STIP1: variants seen among roughly 807,000 people sequenced by gnomAD.
The protein encoded by STIP1 is stress-induced-phosphoprotein 1.
In STIP1, 16 loss-of-function variants were observed where a neutral mutation model predicts 77.4. The ratio of observed to expected loss-of-function variants is 0.21; its 90% CI spans 0.14 to 0.31. The LOEUF is 0.31. Among genes scored for constraint, STIP1 ranks in the 10% least tolerant of loss-of-function variants. The pLI is 1.00. For missense variants in STIP1, 524 were observed against 684.8 expected (o/e 0.77, Z 2.62); for synonymous variants, 258 against 246.6 (o/e 1.05, Z -0.44).
chr11:64,190,820 C>T (rs997180503), intron 1 of STIP1, among the ~76,000 whole-genome samples: 5 of 151,832 alleles, frequency 3.3e-5, no homozygotes, highest in African/African-American at 4.8e-5. Flanking sequence ...TATGGTGAGA[C>T]ACCATTTCTA....
chr11:64,199,807 C>A (rs1170067855), intron 8 of STIP1, 133 bp from the exon 9 acceptor site: 9 of 880,686 alleles, frequency 1.0e-5, no homozygotes, highest in Non-Finnish European at 1.5e-5. Context: ...TCGTGATCCA[C>A]CCGCCTCGGC....
At chr11:64,190,772 G>A (rs1946083758) in intron 1 of STIP1, among the ~76,000 whole-genome samples, 1 of 151,904 alleles carries the variant, frequency 6.6e-6, no homozygotes, top group Non-Finnish European at 1.5e-5. Flanking sequence ...AGGCAGGAGG[G>A]TTGCTTTAGG....
chr11:64,186,882 C>T (rs1254296363), intron 1 of STIP1, among the ~76,000 whole-genome samples: 4 of 152,098 alleles, frequency 2.6e-5, no homozygotes, highest in Admixed American at 1.3e-4. Flanking sequence ...AGCGACAGAC[C>T]GACTCTACCT....
chr11:64,194,733 T>C, intron 4 of STIP1, 113 bp downstream of exon 4: 1 of 1,372,268 alleles, frequency 7.3e-7, no homozygotes, highest in Non-Finnish European at 9.8e-7. Context: ...TTGCCTTTGC[T>C]TATTCTCTGC....
At chr11:64,197,782 A>T in intron 7 of STIP1, 72 bp from the exon 8 acceptor site, 1 of 1,583,704 alleles carries the variant, frequency 6.3e-7, no homozygotes, top group Non-Finnish European at 8.6e-7. Context: ...TTCTAGCTGC[A>T]GGTGTGTTTT....
chr11:64,194,356 C>T, intron 3 of STIP1, 26 bp downstream of exon 3: 3 of 1,612,404 alleles, frequency 1.9e-6, no homozygotes, highest in Non-Finnish European at 2.5e-6. Context: ...AGTTTTCTTT[C>T]TTATTATTAA....
chr11:64,201,160 C>T (rs1224463330), intron 10 of STIP1, among the ~76,000 whole-genome samples: 3 of 152,156 alleles, frequency 2.0e-5, no homozygotes, highest in Non-Finnish European at 4.4e-5. Flanking sequence ...CCACCTCAGC[C>T]TCCTGAGTAG....
chr11:64,192,411 C>A (rs780131549), intron 1 of STIP1, among the ~76,000 whole-genome samples: 1 of 152,236 alleles, frequency 6.6e-6, no homozygotes, highest in African/African-American at 2.4e-5. Context: ...ATTTCTTCAT[C>A]CTCCATCCCC....
intron 13 of STIP1, 186 bp downstream of exon 13, chr11:64,203,808 C>T (rs1946249368): frequency 1.2e-6 from 1 of 821,916 alleles, no homozygotes; most frequent in Admixed American, 2.5e-5. Context: ...ATAGCTTAAG[C>T]AGTCATTTGG....
At chr11:64,186,035 C>T (rs1405851842), upstream of STIP1, 1 of 1,545,592 alleles carries the variant, frequency 6.5e-7, no homozygotes, top group East Asian at 2.4e-5. Context: ...GAGGGAATTA[C>T]TCCCCGCTGT....
chr11:64,195,467 T>A (rs1273631292), intron 4 of STIP1, among the ~76,000 whole-genome samples, 178 bp from the exon 5 acceptor site: 1 of 152,206 alleles, frequency 6.6e-6, no homozygotes, highest in Non-Finnish European at 1.5e-5. Context: ...AGATAGTGTT[T>A]TGACGGTTTG....
chr11:64,203,281 G>C, intron 12 of STIP1, 53 bp downstream of exon 12: 1 of 1,601,420 alleles, frequency 6.2e-7, no homozygotes, highest in Non-Finnish European at 8.5e-7. Flanking sequence ...CTCTGTTGGG[G>C]CTTTTCCATG....
intron 1 of STIP1, among the ~76,000 whole-genome samples, chr11:64,187,551 C>T (rs1946038354): frequency 6.6e-6 from 1 of 152,122 alleles, no homozygotes; most frequent in Admixed American, 6.5e-5. Flanking sequence ...CTGCTTTAGG[C>T]AAAGCTCGAG....
chr11:64,185,945 TCCTC>T (rs1004146681), upstream of STIP1: 14 of 1,536,862 alleles, frequency 9.1e-6, no homozygotes, highest in African/African-American at 1.8e-4. Context: ...AGAAGTTCGC[TCCTC>T]CCTCCATTCG....
In STIP1 at chr11:64,204,238, A is replaced by C; in HGVS notation, c.*112A>C. On this transcript the variant is annotated 3_prime_UTR_variant, in exon 14 of 14. Coordinates refer to ENST00000305218, the MANE Select transcript of STIP1 (RefSeq NM_006819.3). ...AGGGGAGAGAAGGCCTCATCTCTCT[A>C]TATTTATACATAACCCCGGGGAAGA... 9.7e-7 allele frequency: 1 copy of C among 1,034,178 alleles called. No homozygotes were observed. The highest frequency in any genetic ancestry group is 1.4e-5 in the South Asian group (1 of 69,470). 64.1% of individuals were successfully genotyped at this position (1,034,178 alleles called of 1,614,324 possible).
At chr11:64,203,928 C>A in intron 13 of STIP1, 126 bp from the exon 14 acceptor site, 1 of 1,176,226 alleles carries the variant, frequency 8.5e-7, no homozygotes, top group South Asian at 1.3e-5. Flanking sequence ...GCTCGGCGCC[C>A]CGGGCCTCGC....
chr11:64,189,846 G>T (rs1946071664), intron 1 of STIP1, among the ~76,000 whole-genome samples: 1 of 152,110 alleles, frequency 6.6e-6, no homozygotes, highest in Non-Finnish European at 1.5e-5. Flanking sequence ...CTTGAGTTTT[G>T]TTAACTCTTC....
intron 2 of STIP1, 63 bp downstream of exon 2, chr11:64,193,350 G>T: frequency 6.5e-7 from 1 of 1,528,578 alleles, no homozygotes; most frequent in Admixed American, 1.7e-5. Context: ...CCTTTTGGTG[G>T]CCTGAGGTTT....
In STIP1 at chr11:64,203,485, G is replaced by T. The variant is rs146632791; in HGVS notation, c.1422G>T (p.Ala474=). 3.7e-6 allele frequency: 6 copies of T among 1,614,052 alleles called. No homozygotes were observed. The highest frequency in any genetic ancestry group is 5.1e-6 in the Non-Finnish European group (6 of 1,180,024). Residue 474 remains alanine (A), a synonymous_variant, in exon 13 of 14, where the codon GCG becomes GCT. Coordinates refer to ENST00000305218, the MANE Select transcript of STIP1 (RefSeq NM_006819.3). ...ACGGCTACCAGCGCTGTATGATGGC[G>T]CAGTACAACCGGCACGACAGCCCCG... The part of the protein sequence containing the change: ...AADGYQRCMM[A]QYNRHDSPED...
Sources: allele counts gnomAD v4.1 joint callset (sites outside exome capture counted in the v4.1 genomes callset), GRCh38; gene constraint gnomAD v4.1.1; transcripts MANE v1.5; gene names NCBI Gene and HGNC (gene_info 2026-07-23, HGNC 2026-07-21).